The following CTNNA3 variants were observed in gnomAD, a reference collection of about 807,000 sequenced individuals.
The protein encoded by CTNNA3 is catenin alpha 3.
In CTNNA3, 76 loss-of-function variants were observed where a neutral mutation model predicts 95.7. That is an observed-to-expected ratio of 0.79 (90% CI 0.66 to 0.96). CTNNA3 has a LOEUF of 0.96. Among genes scored for constraint, CTNNA3 ranks in the 40% least tolerant of loss-of-function variants. The probability of loss-of-function intolerance (pLI) is 0.00; values close to 1 mark genes in which losing one functional copy is unlikely to be tolerated. For missense variants in CTNNA3, 1,191 were observed against 1,089.8 expected (o/e 1.09, Z -1.31); for synonymous variants, 431 against 374.4 (o/e 1.15, Z -1.74).
intron 9 of CTNNA3, among the ~76,000 whole-genome samples, chr10:66,663,659 CTT>C (rs772692746): frequency 1.3e-5 from 2 of 152,016 alleles, no homozygotes; most frequent in African/African-American, 4.8e-5. Context: ...ATTTTTATCT[CTT>C]GTTTTCTATT....
intron 5 of CTNNA3, among the ~76,000 whole-genome samples, chr10:67,486,552 C>T (rs1362556425): frequency 1.3e-5 from 2 of 152,010 alleles, no homozygotes; most frequent in Non-Finnish European, 2.9e-5. Flanking sequence ...CCAAGTTTAA[C>T]CTCTATGTGC....
chr10:65,945,747 A>G lies in CTNNA3; in HGVS notation c.2400+20865T>C, dbSNP rs555119067. 2.6e-5 allele frequency among the ~76,000 whole-genome samples: 4 copies of G among 152,306 alleles called. No homozygotes were observed. In the South Asian group the frequency reaches 8.3e-4, roughly 32 times the overall value. ...GCCTTAGTCTGTCATCTATAAAATC[A>G]GAATAATAATGGGACCTTCTTCATT... On this transcript the variant is annotated intron_variant, in intron 17 of 17. Coordinates refer to ENST00000433211, the MANE Select transcript of CTNNA3 (RefSeq NM_013266.4).
intron 3 of CTNNA3, among the ~76,000 whole-genome samples, chr10:67,587,547 T>G (rs1373434539): frequency 1.3e-5 from 2 of 152,188 alleles, no homozygotes; most frequent in Non-Finnish European, 2.9e-5. Flanking sequence ...AATTCTTTTC[T>G]GGCTTGTAAA....
At chr10:67,692,501 C>T (rs1341388748) in intron 1 of CTNNA3, among the ~76,000 whole-genome samples, 8 of 135,638 alleles carry the variant, frequency 5.9e-5, no homozygotes, top group Non-Finnish European at 9.4e-5. Flanking sequence ...GGATTAAGGG[C>T]GGTGCAAGAT....
intron 15 of CTNNA3, among the ~76,000 whole-genome samples, chr10:66,022,142 G>A (rs2079232121): frequency 6.6e-6 from 1 of 152,060 alleles, no homozygotes; most frequent in South Asian, 2.1e-4. Context: ...ACAGGCTTGA[G>A]CCACCATGCC....
chr10:66,374,391 G>A (rs979482685), intron 12 of CTNNA3, among the ~76,000 whole-genome samples: 1 of 152,098 alleles, frequency 6.6e-6, no homozygotes, highest in Non-Finnish European at 1.5e-5. Context: ...TATTTTAAGA[G>A]GGCAGTAGAG....
intron 12 of CTNNA3, among the ~76,000 whole-genome samples, chr10:66,331,514 C>T (rs989915736): frequency 1.4e-4 from 21 of 151,372 alleles, no homozygotes; most frequent in South Asian, 4.2e-4. Flanking sequence ...CCACCATGCC[C>T]GGCTAATTTT....
At chr10:67,443,057 A>G (rs549225119) in intron 5 of CTNNA3, among the ~76,000 whole-genome samples, 3 of 147,664 alleles carry the variant, frequency 2.0e-5, no homozygotes, top group East Asian at 4.1e-4. Context: ...TTGGTTTTTC[A>G]TCCTTGCAAT....
chr10:67,302,810 T>C (rs1179423760), intron 5 of CTNNA3, among the ~76,000 whole-genome samples: 2 of 152,260 alleles, frequency 1.3e-5, no homozygotes, highest in East Asian at 3.9e-4. Flanking sequence ...TTTGGTAAAG[T>C]GGGAAAGAGT....
chr10:65,926,534 T>C (rs2077171413), intron 17 of CTNNA3, among the ~76,000 whole-genome samples: 1 of 150,664 alleles, frequency 6.6e-6, no homozygotes, highest in African/African-American at 2.4e-5. Flanking sequence ...TGGAGTGCAA[T>C]GGTTCAATTT....
chr10:66,687,310 A>G (rs1177628336), intron 9 of CTNNA3, among the ~76,000 whole-genome samples: 2 of 152,108 alleles, frequency 1.3e-5, no homozygotes, highest in Non-Finnish European at 2.9e-5. Flanking sequence ...AGAAAATTAC[A>G]AAAGACCTTG....
At chr10:66,284,082 T>A (rs1436527782) in intron 12 of CTNNA3, among the ~76,000 whole-genome samples, 2 of 151,824 alleles carry the variant, frequency 1.3e-5, no homozygotes, top group Non-Finnish European at 2.9e-5. Flanking sequence ...GGAGTGTAGA[T>A]TTATCAAACA....
chr10:67,031,641 C>T (rs910907890), intron 7 of CTNNA3, among the ~76,000 whole-genome samples: 8 of 152,128 alleles, frequency 5.3e-5, no homozygotes, highest in African/African-American at 9.7e-5. Flanking sequence ...GTTTGAAATA[C>T]GCCCATCAAC....
chr10:66,866,584 T>C (rs1006832415), intron 7 of CTNNA3, among the ~76,000 whole-genome samples: 6 of 152,216 alleles, frequency 3.9e-5, no homozygotes, highest in Non-Finnish European at 8.8e-5. Context: ...ACACGTATTT[T>C]ATTTGACTCT....
chr10:66,928,230 C>T (rs1184603889), intron 7 of CTNNA3: 2 of 1,614,048 alleles, frequency 1.2e-6, no homozygotes, highest in East Asian at 2.2e-5. Flanking sequence ...TGCTGGTTAT[C>T]TACGTGTCAT....
At chr10:67,219,484 A>G (rs1864547826) in intron 6 of CTNNA3, 123 bp downstream of exon 6, 1 of 1,073,240 alleles carries the variant, frequency 9.3e-7, no homozygotes, top group Non-Finnish European at 1.3e-6. Context: ...AAGGTGATAG[A>G]GACTAATCTG....
At chr10:67,169,182 G>T (rs1406621818) in intron 7 of CTNNA3, among the ~76,000 whole-genome samples, 2 of 152,156 alleles carry the variant, frequency 1.3e-5, no homozygotes, top group East Asian at 3.8e-4. Flanking sequence ...TAGATAGGAA[G>T]AATCAGTATC....
chr10:67,044,316 G>A (rs1390847050), intron 7 of CTNNA3, among the ~76,000 whole-genome samples: 1 of 151,932 alleles, frequency 6.6e-6, no homozygotes. Flanking sequence ...AGGGGGAAGG[G>A]GATATTTCCA....
intron 3 of CTNNA3, among the ~76,000 whole-genome samples, chr10:67,579,282 C>A (rs1186404026): frequency 6.8e-6 from 1 of 146,604 alleles, no homozygotes; most frequent in Non-Finnish European, 1.5e-5. Flanking sequence ...CAATTCCCAC[C>A]TATGAGTGAG....
Sources: allele counts gnomAD v4.1 joint callset (sites outside exome capture counted in the v4.1 genomes callset), GRCh38; gene constraint gnomAD v4.1.1; transcripts MANE v1.5; gene names NCBI Gene and HGNC (gene_info 2026-07-23, HGNC 2026-07-21).